ACOT12: variants seen among roughly 807,000 people sequenced by gnomAD.
ACOT12 encodes the protein acyl-CoA thioesterase 12, also known as acetyl-coenzyme A thioesterase.
A neutral mutation model predicts 67.7 loss-of-function variants in ACOT12; 51 were observed. That is an observed-to-expected ratio of 0.75 (90% CI 0.60 to 0.95). The LOEUF (loss-of-function observed/expected upper bound fraction) is 0.95. Among genes scored for constraint, ACOT12 ranks in the 40% least tolerant of loss-of-function variants. The pLI, the probability that ACOT12 is intolerant of heterozygous loss-of-function variation, is 0.00. For synonymous variants in ACOT12, 251 were observed against 244.6 expected, an observed-to-expected ratio of 1.03 and a Z score of -0.24; for missense variants, 734 against 708.1, an observed-to-expected ratio of 1.04 and a Z score of -0.41.
intron 5 of ACOT12, among the ~76,000 whole-genome samples, chr5:81,353,276 G>A (rs1476160429): frequency 6.6e-6 from 1 of 152,184 alleles, no homozygotes; most frequent in Non-Finnish European, 1.5e-5. Flanking sequence ...CTTATTTGGA[G>A]TTAATTTACA....
intron 1 of ACOT12, among the ~76,000 whole-genome samples, chr5:81,390,900 T>G (rs933516709): frequency 1.3e-5 from 2 of 152,236 alleles, no homozygotes; most frequent in Non-Finnish European, 2.9e-5. Flanking sequence ...ATTGATCATC[T>G]TTTCTCTTAA....
At chr5:81,367,159 C>A (rs1760105737) in intron 3 of ACOT12, among the ~76,000 whole-genome samples, 1 of 151,898 alleles carries the variant, frequency 6.6e-6, no homozygotes. Context: ...TTTACACGAA[C>A]AAAAGCTGAA....
At chr5:81,380,738 A>G (rs1760558121) in intron 2 of ACOT12, among the ~76,000 whole-genome samples, 1 of 152,224 alleles carries the variant, frequency 6.6e-6, no homozygotes, top group Non-Finnish European at 1.5e-5. Context: ...GTGCGTCTCC[A>G]CAATGGAGTA....
Position 81,335,969 on chromosome 5 carries a change from T to C in ACOT12, c.1129-68A>G, listed in dbSNP as rs1758987797. The C allele has an allele frequency of 2.7e-6, 4 of 1,496,306 alleles. No individual in the cohort carries two copies. In the East Asian group the frequency reaches 7.0e-5, roughly 26 times the overall value. The allele number at this position is 1,496,306 out of a possible 1,614,324, so 92.7% of individuals were successfully genotyped here. On this transcript the variant is annotated intron_variant, in intron 11 of 14. Transcript: ENST00000307624. ...GCTTTTACTTTAGAAACCATATGCA[T>C]ATATATGTAGTCATAGACCAATTGC...
chr5:81,387,735 G>A (rs774241809), intron 1 of ACOT12, among the ~76,000 whole-genome samples: 4 of 151,984 alleles, frequency 2.6e-5, no homozygotes, highest in Non-Finnish European at 4.4e-5. Flanking sequence ...TGTGGAGACA[G>A]GGTCTCATGA....
chr5:81,393,915 C>A (rs1015184502), intron 1 of ACOT12, 73 bp downstream of exon 1: 129 of 1,268,446 alleles, frequency 1.0e-4, no homozygotes, highest in Middle Eastern at 6.1e-4. Context: ...CTTCCTACCC[C>A]CCCCAGCCCC....
At chr5:81,311,347 G>T in the ACOT12 span, 77 of 1,478,294 alleles carry the variant, frequency 5.2e-5, no homozygotes, top group East Asian at 1.7e-3. Context: ...TTCTGCACTT[G>T]TTATTAATAA....
At chr5:81,316,073 C>CAT in the ACOT12 span, among the ~76,000 whole-genome samples, 1 of 152,156 alleles carries the variant, frequency 6.6e-6, no homozygotes, top group Non-Finnish European at 1.5e-5. Flanking sequence ...TTGACGAAGT[C>CAT]AGAGAGGTGG....
intron 11 of ACOT12, among the ~76,000 whole-genome samples, chr5:81,336,502 C>G (rs1269279088): frequency 6.6e-6 from 1 of 152,130 alleles, no homozygotes; most frequent in Non-Finnish European, 1.5e-5. Context: ...AAGGCCAGTT[C>G]CTGGTTTCCT....
At chr5:81,333,263 T>C (rs900155306) in intron 12 of ACOT12, among the ~76,000 whole-genome samples, 1 of 152,204 alleles carries the variant, frequency 6.6e-6, no homozygotes, top group Non-Finnish European at 1.5e-5. Context: ...TGAGGACTGG[T>C]AAATCATATA....
chr5:81,348,223 G>C (rs1428337883), intron 5 of ACOT12, among the ~76,000 whole-genome samples: 1 of 152,182 alleles, frequency 6.6e-6, no homozygotes, highest in Non-Finnish European at 1.5e-5. Context: ...ACTGAAACTT[G>C]AGTTGTTTGT....
the ACOT12 span, among the ~76,000 whole-genome samples, chr5:81,319,895 A>T: frequency 6.6e-6 from 1 of 151,892 alleles, no homozygotes; most frequent in Non-Finnish European, 1.5e-5. Flanking sequence ...TGCTGTGACA[A>T]ACCTTTTTAA....
chr5:81,380,183 A>G (rs936108582), intron 2 of ACOT12, among the ~76,000 whole-genome samples: 1 of 152,206 alleles, frequency 6.6e-6, no homozygotes, highest in Admixed American at 6.5e-5. Context: ...AACCTACATA[A>G]CAACTGCTCT....
At chr5:81,340,499 T>A (rs1759159189) in intron 11 of ACOT12, among the ~76,000 whole-genome samples, 2 of 152,082 alleles carry the variant, frequency 1.3e-5, no homozygotes, top group African/African-American at 4.8e-5. Context: ...ATAGCTGGGA[T>A]TACAGGCGCC....
At chr5:81,348,941 C>T (rs1281479666) in intron 5 of ACOT12, among the ~76,000 whole-genome samples, 3 of 152,266 alleles carry the variant, frequency 2.0e-5, no homozygotes, top group Admixed American at 6.5e-5. Context: ...AAATCATTTA[C>T]TCTGGCTGCA....
chr5:81,358,231 T>C (rs1759785042), intron 5 of ACOT12, among the ~76,000 whole-genome samples: 1 of 152,182 alleles, frequency 6.6e-6, no homozygotes, highest in South Asian at 2.1e-4. Context: ...CTGTGTTAAA[T>C]GCTTGAGTTT....
intron 13 of ACOT12, among the ~76,000 whole-genome samples, chr5:81,332,165 TG>T (rs1259321657): frequency 6.6e-6 from 1 of 152,222 alleles, no homozygotes; most frequent in Admixed American, 6.5e-5. Context: ...CAATTCCTGA[TG>T]TCTTATTTGG....
chr5:81,387,754 A>T (rs1159295058), intron 1 of ACOT12, among the ~76,000 whole-genome samples: 1 of 152,158 alleles, frequency 6.6e-6, no homozygotes, highest in African/African-American at 2.4e-5. Flanking sequence ...GATTTTGCCC[A>T]AGCTGGTCCC....
intron 5 of ACOT12, 183 bp downstream of exon 5, chr5:81,359,720 G>A (rs1035433114): frequency 3.6e-6 from 2 of 559,280 alleles, no homozygotes; most frequent in East Asian, 3.4e-5. Context: ...GAGGCCTTAG[G>A]TGTCAGCAGT....
Sources: allele counts gnomAD v4.1 joint callset (sites outside exome capture counted in the v4.1 genomes callset), GRCh38; gene constraint gnomAD v4.1.1; transcripts MANE v1.5; gene names NCBI Gene and HGNC (gene_info 2026-07-23, HGNC 2026-07-21).